The following ARID1B variants were observed in gnomAD, a reference collection of about 807,000 sequenced individuals.
The protein encoded by ARID1B is AT-rich interactive domain-containing protein 1B.
In ARID1B, 30 loss-of-function variants were observed where a neutral mutation model predicts 212.3. That is an observed-to-expected ratio of 0.14 (90% confidence interval 0.11 to 0.19). ARID1B has a LOEUF of 0.19. Among genes scored for constraint, ARID1B ranks in the 10% least tolerant of loss-of-function variants. ARID1B has a pLI of 1.00. For missense variants in ARID1B, 2,891 were observed against 3,204.0 expected (o/e 0.90, Z 2.36); for synonymous variants, 1,402 against 1,301.7 (o/e 1.08, Z -1.66).
intron 6 of ARID1B, among the ~76,000 whole-genome samples, chr6:157,123,238 GC>G (rs145123304): frequency 0.69 from 58,058 of 83,570 alleles, 18,734 homozygotes; most frequent in Middle Eastern, 0.82. Flanking sequence ...CCCGCCCCCC[GC>G]CCCCCCCCCA....
intron 13 of ARID1B, among the ~76,000 whole-genome samples, chr6:157,187,020 G>A (rs994560858): frequency 6.6e-6 from 1 of 152,216 alleles, no homozygotes; most frequent in Non-Finnish European, 1.5e-5. Flanking sequence ...GGATGTCTGG[G>A]TTCCTGTCTT....
chr6:156,970,062 GTGTTTTGTTTGT>G (rs1465951493), intron 4 of ARID1B, among the ~76,000 whole-genome samples: 4 of 150,658 alleles, frequency 2.7e-5, no homozygotes, highest in East Asian at 2.0e-4. Context: ...TTTTTTTTGT[GTGTTTTGTTTGT>G]TGTTTTGTTT....
chr6:157,174,069 A>G lies in ARID1B; in HGVS notation c.3297A>G (p.Lys1099=), dbSNP rs749413486. The change falls in exon 10 of 20, where the codon AAA becomes AAG. Residue 1099 remains lysine, a synonymous_variant. Coordinates refer to ENST00000636930, the MANE Select transcript of ARID1B (RefSeq NM_001374828.1). ...PGESKLPLPL[K]ADGKEEGTPQ... ...AATCCAAACTGCCCCTGCCTCTCAA[A>G]GCAGACGGCAAAGAAGAAGGCACTC... 4.0e-5 allele frequency: 65 copies of G among 1,614,086 alleles called. No individual in the cohort carries two copies. Among genetic ancestry groups the G allele is most frequent in the Non-Finnish European group, 5.2e-5 (61 of 1,180,038 alleles).
At chr6:156,986,218 C>T (rs754790472) in intron 4 of ARID1B, among the ~76,000 whole-genome samples, 4 of 152,158 alleles carry the variant, frequency 2.6e-5, no homozygotes, top group Admixed American at 6.6e-5. Context: ...GTCACTCTGA[C>T]CTTCCTCTCA....
At chr6:156,895,931 A>T (rs1346676058) in intron 2 of ARID1B, among the ~76,000 whole-genome samples, 1 of 152,230 alleles carries the variant, frequency 6.6e-6, no homozygotes, top group Non-Finnish European at 1.5e-5. Flanking sequence ...GTATACACTA[A>T]TATCTTACGT....
chr6:157,010,289 T>G (rs1159878943), intron 4 of ARID1B, among the ~76,000 whole-genome samples: 5 of 145,674 alleles, frequency 3.4e-5, no homozygotes, highest in South Asian at 2.2e-4. Flanking sequence ...TTTTTTTTTT[T>G]TTTTTTTTTT....
At chr6:157,017,207 C>A (rs190189123) in intron 4 of ARID1B, among the ~76,000 whole-genome samples, 6 of 152,288 alleles carry the variant, frequency 3.9e-5, no homozygotes, top group Admixed American at 3.9e-4. Context: ...TGGTGGATTG[C>A]CCTTGTTTCA....
intron 8 of ARID1B, among the ~76,000 whole-genome samples, chr6:157,157,822 C>T (rs1562311383): frequency 6.6e-6 from 1 of 152,154 alleles, no homozygotes; most frequent in Non-Finnish European, 1.5e-5. Context: ...CAGGAGTTCA[C>T]AAGCAGCCTG....
At chr6:156,946,515 C>T (rs574613092) in intron 4 of ARID1B, among the ~76,000 whole-genome samples, 4 of 152,300 alleles carry the variant, frequency 2.6e-5, no homozygotes, top group Admixed American at 2.0e-4. Context: ...TATAGTATTT[C>T]GAAAGTCTAG....
At chr6:156,875,595 CT>C (rs1216142536) in intron 2 of ARID1B, among the ~76,000 whole-genome samples, 1 of 152,226 alleles carries the variant, frequency 6.6e-6, no homozygotes, top group Non-Finnish European at 1.5e-5. Flanking sequence ...GTCTTTCTCC[CT>C]GCCAGCTTCT....
intron 8 of ARID1B, among the ~76,000 whole-genome samples, chr6:157,165,126 G>A (rs1448218032): frequency 5.3e-5 from 8 of 152,190 alleles, no homozygotes; most frequent in African/African-American, 1.9e-4. Flanking sequence ...GAACCATATA[G>A]GGATGTGTTT....
chr6:157,017,451 AAT>A (rs1201787227), intron 4 of ARID1B, among the ~76,000 whole-genome samples: 5 of 152,180 alleles, frequency 3.3e-5, no homozygotes, highest in Admixed American at 3.3e-4. Flanking sequence ...GATTTTATAA[AAT>A]ATGTTTGTTT....
chr6:156,820,990 T>G (rs1007665314), intron 1 of ARID1B, among the ~76,000 whole-genome samples: 12 of 152,220 alleles, frequency 7.9e-5, no homozygotes, highest in Non-Finnish European at 1.6e-4. Context: ...CTGTCTCCCC[T>G]CGCACCTCTT....
At chr6:156,946,612 G>A (rs1793172473) in intron 4 of ARID1B, among the ~76,000 whole-genome samples, 1 of 152,082 alleles carries the variant, frequency 6.6e-6, no homozygotes, top group Non-Finnish European at 1.5e-5. Flanking sequence ...CCTGGAGCAG[G>A]GACACAACTT....
At chr6:157,115,438 T>G (rs1339684555) in intron 6 of ARID1B, among the ~76,000 whole-genome samples, 1 of 152,178 alleles carries the variant, frequency 6.6e-6, no homozygotes, top group African/African-American at 2.4e-5. Context: ...TTTGTTTTGT[T>G]TGTTTTGAGA....
chr6:156,845,463 T>C (rs546339144), intron 2 of ARID1B, among the ~76,000 whole-genome samples: 2 of 152,248 alleles, frequency 1.3e-5, no homozygotes, highest in Non-Finnish European at 2.9e-5. Context: ...GATGTGCGTG[T>C]CTCTGCTTGT....
intron 1 of ARID1B, among the ~76,000 whole-genome samples, chr6:156,807,142 CCCCACG>C (rs1027124606): frequency 6.9e-6 from 1 of 145,100 alleles, no homozygotes; most frequent in Non-Finnish European, 1.5e-5. Context: ...TTGTGCACCC[CCCCACG>C]CCCCACCCAG....
At position 156,988,826 on chromosome 6, in the gene ARID1B, T is replaced by C. The variant is rs75220526; in HGVS notation, c.2247+53250T>C. Among the ~76,000 whole-genome samples the C allele has an allele frequency of 6.3e-3, 960 of 152,312 alleles. 14 individuals are homozygous for C. The highest frequency in any genetic ancestry group is 0.022 in the African/African-American group (899 of 41,554). On this transcript the variant is annotated intron_variant, in intron 4 of 19. Transcript: ENST00000636930. ...TCCTATGCACCTGGAGCTTTTGTTA[T>C]CTCAACTGACCAGTTCCTTACCTGT...
Position 157,206,515 on chromosome 6 carries a change from G to A in ARID1B, c.5743G>A (p.Val1915Ile), listed in dbSNP as rs1272781774. The change falls in exon 20 of 20, where the codon GTC becomes ATC. Residue 1915 changes from valine (V) to isoleucine (I), a missense_variant. Transcript: ENST00000636930. This position sits in a 1 kb window ranked among gnomAD's most constrained non-coding sequence, Gnocchi z 6.8. The stretch of plus-strand genomic sequence containing the variant: ...GTTCGACAAGCTGCCAATAAAGATA[G>A]TCAAAAAGAACAACCTGTTTGTTGT... ...SKFDKLPIKI[V>I]KKNNLFVVDR... The A allele has an allele frequency of 6.2e-7, 1 of 1,614,152 alleles. No individual in the cohort carries two copies. Among genetic ancestry groups the A allele is most frequent in the Admixed American group, 1.7e-5 (1 of 60,026 alleles).
Sources: allele counts gnomAD v4.1 joint callset (sites outside exome capture counted in the v4.1 genomes callset), GRCh38; gene constraint gnomAD v4.1.1; non-coding constraint Gnocchi (gnomAD v3.1); transcripts MANE v1.5; gene names NCBI Gene and HGNC (gene_info 2026-07-23, HGNC 2026-07-21).